The following TMTC1 variants were observed in gnomAD, a reference collection of about 807,000 sequenced individuals.
TMTC1 encodes protein O-mannosyl-transferase TMTC1.
TMTC1 carries 73 observed loss-of-function variants against 104.8 expected under a neutral mutation model. The observed-to-expected ratio is 0.70, with a 90% confidence interval of 0.58 to 0.85. TMTC1 has a LOEUF of 0.85. Ranked by LOEUF, TMTC1 falls within the 40% of genes least tolerant of loss-of-function variation. The pLI is 0.00. For missense variants in TMTC1, 1,035 were observed against 1,096.1 expected, an observed-to-expected ratio of 0.94 and a Z score of 0.79; for synonymous variants, 434 against 428.7, an observed-to-expected ratio of 1.01 and a Z score of -0.15.
At chr12:29,767,360 G>A (rs1440423836) in intron 2 of TMTC1, among the ~76,000 whole-genome samples, 1 of 152,168 alleles carries the variant, frequency 6.6e-6, no homozygotes, top group East Asian at 1.9e-4. Context: ...CTAACTTGAA[G>A]AATGTCAGTC....
intron 5 of TMTC1, among the ~76,000 whole-genome samples, chr12:29,645,751 A>ACTG (rs1416719941): frequency 1.3e-5 from 2 of 152,226 alleles, no homozygotes; most frequent in African/African-American, 4.8e-5. Context: ...GCATGAACTG[A>ACTG]CTGCTGACCA....
chr12:29,598,222 G>A (rs371432893), intron 7 of TMTC1, among the ~76,000 whole-genome samples: 2 of 152,302 alleles, frequency 1.3e-5, no homozygotes, highest in East Asian at 1.9e-4. Flanking sequence ...TTGGCAAAAC[G>A]GATTCACTCT....
In TMTC1 at chr12:29,504,086, T is replaced by C. The variant is rs540892856; in HGVS notation, c.*2760A>G. ...GTGACAAAAAGACAAAGTGGAACTG[T>C]GTCTCAAAAAAATAAATAAGAAAAA... On this transcript the variant is annotated 3_prime_UTR_variant, in exon 18 of 18. Transcript: ENST00000539277. 6.6e-6 allele frequency: 1 copy of C among 152,022 alleles called. No individual in the cohort carries two copies. Among genetic ancestry groups the C allele is most frequent in the African/African-American group, 2.4e-5 (1 of 41,450 alleles). The allele number at this position is 152,022 out of a possible 1,614,324, so 9.4% of individuals were successfully genotyped here.
At chr12:29,643,859 ATATATATTTT>A (rs1299176520) in intron 5 of TMTC1, among the ~76,000 whole-genome samples, 2,943 of 63,172 alleles carry the variant, frequency 0.047, 285 homozygotes, top group Non-Finnish European at 0.06. Context: ...ATATATATTT[ATATATATTTT>A]TATATATAAA....
At chr12:29,624,203 C>T (rs1458922118) in intron 6 of TMTC1, among the ~76,000 whole-genome samples, 1 of 152,080 alleles carries the variant, frequency 6.6e-6, no homozygotes, top group Admixed American at 6.5e-5. Flanking sequence ...TGGCTTCAAA[C>T]TCCTGACCTC....
intron 9 of TMTC1, among the ~76,000 whole-genome samples, chr12:29,559,020 C>T (rs1945314786): frequency 6.6e-6 from 1 of 152,196 alleles, no homozygotes; most frequent in African/African-American, 2.4e-5. Context: ...TTCAGCAAAG[C>T]ACTGTAACCA....
chr12:29,727,399 C>A (rs368361921), intron 5 of TMTC1, among the ~76,000 whole-genome samples: 1 of 151,960 alleles, frequency 6.6e-6, no homozygotes, highest in Non-Finnish European at 1.5e-5. Flanking sequence ...TTTTTTGAGA[C>A]GGAGTCTTGC....
At chr12:29,605,571 T>TAAAAAAAAAAAAAA (rs34353381) in intron 6 of TMTC1, among the ~76,000 whole-genome samples, 2 of 101,882 alleles carry the variant, frequency 2.0e-5, no homozygotes, top group Admixed American at 1.1e-4. Context: ...CCAAAAAGGG[T>TAAAAAAAAAAAAAA]AAAAAAAAAA....
chr12:29,753,780 G>C (rs1394681769), intron 4 of TMTC1, among the ~76,000 whole-genome samples: 1 of 152,248 alleles, frequency 6.6e-6, no homozygotes, highest in Non-Finnish European at 1.5e-5. Flanking sequence ...GGCAGAATGA[G>C]TATGTGTTGA....
chr12:29,568,723 C>T, intron 9 of TMTC1: 1 of 322,552 alleles, frequency 3.1e-6, no homozygotes, highest in Non-Finnish European at 6.2e-6. Context: ...TGGCCAAGTA[C>T]ACATCAATAT....
intron 5 of TMTC1, among the ~76,000 whole-genome samples, chr12:29,680,890 G>A (rs11615514): frequency 3.3e-5 from 5 of 152,060 alleles, no homozygotes; most frequent in Non-Finnish European, 5.9e-5. Context: ...TTGAGGCCAG[G>A]AGTTCGAGAC....
At position 29,783,259 on chromosome 12, in the gene TMTC1, G is replaced by A. The variant is rs1346882258; in HGVS notation, c.302+191C>T. Among the ~76,000 whole-genome samples, 1 of 152,108 alleles carries A rather than the reference G, an allele frequency of 6.6e-6. No individual in the cohort carries two copies. The highest frequency in any genetic ancestry group is 1.9e-4 in the East Asian group (1 of 5,160). ...CAGCCGGCGCCTCCCGAACCGCCCC[G>A]AGAGCCCAGATTAGCCGGGCAGTGG... is the stretch of plus-strand genomic sequence containing the variant. On this transcript the variant is annotated intron_variant, in intron 1 of 17. Coordinates refer to ENST00000539277, the MANE Select transcript of TMTC1 (RefSeq NM_001193451.2). This position sits in a 1 kb window ranked among gnomAD's most constrained non-coding sequence, Gnocchi z 4.7.
chr12:29,682,384 A>T (rs1940948702), intron 5 of TMTC1, among the ~76,000 whole-genome samples: 1 of 152,200 alleles, frequency 6.6e-6, no homozygotes, highest in African/African-American at 2.4e-5. Context: ...ACTCCTGGGC[A>T]CTTATCCCAG....
At chr12:29,679,778 A>G (rs777964820) in intron 5 of TMTC1, among the ~76,000 whole-genome samples, 26 of 152,174 alleles carry the variant, frequency 1.7e-4, no homozygotes, top group Admixed American at 1.6e-3. Context: ...GAAACAGGAT[A>G]GAGAGGACTA....
intron 6 of TMTC1, among the ~76,000 whole-genome samples, chr12:29,605,732 T>C (rs1211040228): frequency 6.6e-6 from 1 of 152,206 alleles, no homozygotes; most frequent in East Asian, 1.9e-4. Context: ...TTATTTTCAA[T>C]TTGGGGTACA....
chr12:29,509,707 T>C (rs1943781254), intron 17 of TMTC1, among the ~76,000 whole-genome samples: 1 of 152,230 alleles, frequency 6.6e-6, no homozygotes, highest in South Asian at 2.1e-4. Context: ...ACTGCAAAGG[T>C]GGCAATTTTA....
chr12:29,514,507 T>C lies in TMTC1; in HGVS notation c.2405A>G (p.Gln802Arg). 1 of 1,613,992 alleles carries C rather than the reference T, an allele frequency of 6.2e-7. No homozygotes were observed. The highest frequency in any genetic ancestry group is 1.1e-5 in the South Asian group (1 of 91,056). ...FFTKGNQLRE[Q>R]NLLDKAFESY... ...CTCAAAAGCTTTGTCGAGAAGGTTC[T>C]GCTCTCTTAATTGGTTTCCTTTTGT... Residue 802 changes from glutamine to arginine, a missense_variant, in exon 16 of 18, where the codon CAG becomes CGG. By Grantham distance (43) the Gln-to-Arg change is conservative (BLOSUM62 1). Transcript: ENST00000539277.
intron 1 of TMTC1, among the ~76,000 whole-genome samples, chr12:29,770,194 C>G (rs1408324260): frequency 6.6e-6 from 1 of 151,972 alleles, no homozygotes; most frequent in African/African-American, 2.4e-5. Flanking sequence ...TTCAACCATT[C>G]AAAAACTGAA....
intron 5 of TMTC1, among the ~76,000 whole-genome samples, chr12:29,731,613 T>C (rs11834154): frequency 0.035 from 5,335 of 151,408 alleles, 183 homozygotes; most frequent in African/African-American, 0.091. Context: ...GCAATGACCA[T>C]GAGCAGTAGG....
Sources: allele counts gnomAD v4.1 joint callset (sites outside exome capture counted in the v4.1 genomes callset), GRCh38; gene constraint gnomAD v4.1.1; non-coding constraint Gnocchi (gnomAD v3.1); transcripts MANE v1.5; gene names NCBI Gene and HGNC (gene_info 2026-07-23, HGNC 2026-07-21).